Variants in ITPR1 observed in about 807,000 individuals in gnomAD.
The protein encoded by ITPR1 is inositol 1,4,5-trisphosphate receptor type 1.
Under a neutral mutation model 318.4 loss-of-function variants are expected in ITPR1, and 96 were observed. The ratio of observed to expected loss-of-function variants is 0.30; its 90% CI spans 0.26 to 0.36. ITPR1 has a LOEUF of 0.36. ITPR1 is among the 10% of genes least tolerant of loss of function. ITPR1 has a pLI of 1.00. For missense variants in ITPR1, 2,440 were observed against 3,460.2 expected (o/e 0.71, Z 7.40); for synonymous variants, 1,312 against 1,289.9 (o/e 1.02, Z -0.37).
chr3:4,702,755 C>A, intron 35 of ITPR1, 75 bp from the exon 36 acceptor site: 1 of 1,476,582 alleles, frequency 6.8e-7, no homozygotes, highest in Non-Finnish European at 9.3e-7. Flanking sequence ...GACAATGTCT[C>A]TGTCTCTGAT....
chr3:4,780,758 G>A (rs921767251), intron 49 of ITPR1, among the ~76,000 whole-genome samples: 21 of 152,182 alleles, frequency 1.4e-4, no homozygotes, highest in African/African-American at 4.8e-4. Flanking sequence ...ACAAGCTTAT[G>A]TAACTGGGGA....
intron 50 of ITPR1, among the ~76,000 whole-genome samples, chr3:4,783,466 C>G (rs968946019): frequency 1.3e-5 from 2 of 152,176 alleles, no homozygotes; most frequent in Non-Finnish European, 2.9e-5. Flanking sequence ...AGTCTCCTGC[C>G]TCTTTTCCCT....
rs370701686 is a variant in ITPR1, at chr3:4,670,910, G to A, written c.2188G>A (p.Val730Ile). 101 of 1,589,462 alleles carry A rather than the reference G, an allele frequency of 6.4e-5. No individual in the cohort carries two copies. Among genetic ancestry groups the A allele is most frequent in the South Asian group, 1.4e-4 (12 of 87,300 alleles). Residue 730 changes from valine to isoleucine, a missense_variant, in exon 20 of 62, where the codon GTT (valine) becomes ATT (isoleucine). By Grantham distance (29) the Val-to-Ile change is conservative. Around this residue, in one of 23 missense-constraint regions of ITPR1, gnomAD observed 478 missense variants for 696.3 expected, o/e 0.69. Transcript: ENST00000649015. ...AGAAGGGCAGAAGGAGGACCGAGAC[G>A]TTCTCAGCTACTACAGGTGCGTGGG... ...AKEGQKEDRD[V>I]LSYYRYQLNL... is the part of the protein sequence containing the mutation.
At chr3:4,741,866 T>C (rs1347918903) in intron 44 of ITPR1, among the ~76,000 whole-genome samples, 3 of 152,272 alleles carry the variant, frequency 2.0e-5, no homozygotes, top group African/African-American at 7.2e-5. Context: ...AATGAGTCAC[T>C]TCTGAGCGGT....
At chr3:4,797,528 G>A (rs142140924) in intron 53 of ITPR1, among the ~76,000 whole-genome samples, 3 of 152,260 alleles carry the variant, frequency 2.0e-5, no homozygotes, top group Admixed American at 6.5e-5. Flanking sequence ...CTTTTCAAAA[G>A]TATCACCGCC....
chr3:4,616,607 T>G (rs183854876), intron 4 of ITPR1, among the ~76,000 whole-genome samples: 88 of 152,362 alleles, frequency 5.8e-4, no homozygotes, highest in African/African-American at 1.8e-3. Context: ...GAATGAAGAA[T>G]TTTTAAAACA....
At chr3:4,815,899 A>C (rs1388676646) in intron 59 of ITPR1, among the ~76,000 whole-genome samples, 1 of 152,174 alleles carries the variant, frequency 6.6e-6, no homozygotes, top group African/African-American at 2.4e-5. Context: ...TTTCAGAGTT[A>C]TAGAAAAGAC....
rs1006981529 is a variant in ITPR1, at chr3:4,545,758, C to T, written c.163+24664C>T. Among the ~76,000 whole-genome samples the T allele has an allele frequency of 1.0e-4, 14 of 137,340 alleles. 1 individual carries two copies. The highest frequency in any genetic ancestry group is 2.8e-4 in the African/African-American group (10 of 35,790). 90.1% of individuals were successfully genotyped at this position (137,340 alleles called of 152,430 possible). ...TGTCACCCAGGCTAGAGTGCAGTGG[C>T]GTGATCCAGGCTTACTGTAGCCTCA... is the stretch of plus-strand genomic sequence containing the variant. On this transcript the variant is annotated intron_variant, in intron 4 of 61. Coordinates refer to ENST00000649015, the MANE Select transcript of ITPR1 (RefSeq NM_001378452.1).
At position 4,658,281 on chromosome 3, in the gene ITPR1, A is replaced by G; in HGVS notation, c.1151+3A>G. On this transcript the variant is annotated splice_donor_region_variant and intron_variant, in intron 13 of 61. Coordinates refer to ENST00000649015, the MANE Select transcript of ITPR1 (RefSeq NM_001378452.1). ...GGAGGTGACAGCCTTGTCCCAAGGT[A>G]TCATTTTAAAATTGCTTTTCCCCAA... is the stretch of plus-strand genomic sequence containing the variant. 2 of 1,601,692 alleles carry G rather than the reference A, an allele frequency of 1.2e-6. No homozygotes were observed. Among genetic ancestry groups the G allele is most frequent in the Admixed American group, 1.7e-5 (1 of 59,528 alleles).
chr3:4,794,265 C>T (rs1030552027), intron 52 of ITPR1, among the ~76,000 whole-genome samples: 5 of 152,178 alleles, frequency 3.3e-5, no homozygotes, highest in East Asian at 1.9e-4. Flanking sequence ...TGAGAATGCC[C>T]GGCCAGCGTG....
chr3:4,831,396 G>T (rs967859955), intron 60 of ITPR1: 1 of 187,424 alleles, frequency 5.3e-6, no homozygotes, highest in Non-Finnish European at 1.1e-5. Context: ...GTACTGGCTG[G>T]ATTGTAGGAG....
chr3:4,517,425 G>C (rs943091811), intron 3 of ITPR1, among the ~76,000 whole-genome samples: 2 of 152,192 alleles, frequency 1.3e-5, no homozygotes, highest in Admixed American at 6.5e-5. Context: ...GCTTCTCCAA[G>C]AACCTCATTT....
At position 4,680,585 on chromosome 3, in the gene ITPR1, C is replaced by G. The variant is rs1559680585; in HGVS notation, c.3000C>G (p.Ile1000Met). ...TGAATGTGAGGTTGGATTATAGGAT[C>G]TCCTGCCTCCTGTGTATATTTAAGC... ...FILNVRLDYR[I>M]SCLLCIFKRE... Residue 1000 changes from isoleucine to methionine, a missense_variant, in exon 25 of 62, where the codon ATC becomes ATG. Coordinates refer to ENST00000649015, the MANE Select transcript of ITPR1 (RefSeq NM_001378452.1). 1 of 1,612,806 alleles carries G rather than the reference C, an allele frequency of 6.2e-7. No individual in the cohort carries two copies.
chr3:4,583,377 C>G (rs998000787), intron 4 of ITPR1, among the ~76,000 whole-genome samples: 1 of 152,038 alleles, frequency 6.6e-6, no homozygotes, highest in East Asian at 1.9e-4. Context: ...CATGGACACC[C>G]GTTCCAGTTT....
At chr3:4,614,610 G>A (rs921430683) in intron 4 of ITPR1, among the ~76,000 whole-genome samples, 5 of 152,312 alleles carry the variant, frequency 3.3e-5, no homozygotes, top group Non-Finnish European at 2.9e-5. Flanking sequence ...AACCCAGTCC[G>A]TCAGGTTCTA....
At chr3:4,620,397 T>G (rs1414309604) in intron 4 of ITPR1, among the ~76,000 whole-genome samples, 4 of 152,190 alleles carry the variant, frequency 2.6e-5, no homozygotes, top group African/African-American at 7.2e-5. Context: ...GTCTGACTGC[T>G]CTTCCTGTGT....
chr3:4,798,032 C>G (rs930154476), intron 53 of ITPR1, among the ~76,000 whole-genome samples: 1 of 152,074 alleles, frequency 6.6e-6, no homozygotes, highest in Non-Finnish European at 1.5e-5. Context: ...TTAACACTGC[C>G]GTTATAGTGA....
chr3:4,777,524 G>A (rs1022050181), intron 48 of ITPR1, 150 bp downstream of exon 48: 4 of 603,586 alleles, frequency 6.6e-6, no homozygotes, highest in East Asian at 2.8e-5. Context: ...TGCTGACTAC[G>A]ATGCAGAACT....
At chr3:4,563,648 C>T (rs575445610) in intron 4 of ITPR1, among the ~76,000 whole-genome samples, 1 of 152,110 alleles carries the variant, frequency 6.6e-6, no homozygotes. Context: ...GTTTCTGGTA[C>T]CCTGAGTTGT....
Sources: gnomAD v4.1 joint callset for allele counts (sites outside exome capture counted in the v4.1 genomes callset) on GRCh38, gnomAD v4.1.1 for gene constraint, gnomAD v4.1.1 regional missense constraint, MANE v1.5 for transcripts, NCBI Gene and HGNC (gene_info 2026-07-23, HGNC 2026-07-21) for gene names.